The following ROBO2 variants were observed in gnomAD, a reference collection of about 807,000 sequenced individuals.
ROBO2 encodes the protein roundabout guidance receptor 2, also known as roundabout homolog 2.
Under a neutral mutation model 160.8 loss-of-function variants are expected in ROBO2, and 53 were observed. That is an observed-to-expected ratio of 0.33 (90% CI 0.26 to 0.41). The LOEUF (loss-of-function observed/expected upper bound fraction) is 0.41, where lower values mean the gene tolerates loss of function less well. Ranked by LOEUF, ROBO2 falls within the 10% of genes least tolerant of loss-of-function variation. ROBO2 has a pLI of 1.00. For missense variants in ROBO2, 1,577 were observed against 1,722.4 expected (o/e 0.92, Z 1.49); for synonymous variants, 664 against 611.7 (o/e 1.09, Z -1.26).
chr3:76,873,591 TGTCGTCGTCGTA>T (rs1451354737), intron 2 of ROBO2, among the ~76,000 whole-genome samples: 135 of 152,060 alleles, frequency 8.9e-4, no homozygotes, highest in Non-Finnish European at 9.4e-4. Flanking sequence ...TCGTCGTCGT[TGTCGTCGTCGTA>T]GTAGTAGTAT....
At chr3:77,564,705 G>A (rs982415065) in intron 11 of ROBO2, 22 of 572,700 alleles carry the variant, frequency 3.8e-5, no homozygotes, top group South Asian at 1.9e-4. Flanking sequence ...CATTAGCAAA[G>A]GGCTGTCACA....
intron 2 of ROBO2, among the ~76,000 whole-genome samples, chr3:77,469,616 A>G (rs1431356945): frequency 6.6e-6 from 1 of 152,180 alleles, no homozygotes; most frequent in Non-Finnish European, 1.5e-5. Flanking sequence ...TTTGGCTGAC[A>G]TAAATCTGTT....
intron 2 of ROBO2, among the ~76,000 whole-genome samples, chr3:76,418,012 A>G (rs2075823081): frequency 6.6e-6 from 1 of 151,968 alleles, no homozygotes; most frequent in Admixed American, 6.6e-5. Flanking sequence ...CAGTCTCCTG[A>G]GGAGATAAAG....
chr3:77,320,854 A>C (rs2153431112), intron 2 of ROBO2, among the ~76,000 whole-genome samples: 1 of 152,288 alleles, frequency 6.6e-6, no homozygotes, highest in African/African-American at 2.4e-5. Flanking sequence ...TACATATCAC[A>C]CATTTTAATG....
At chr3:76,271,224 T>G (rs1482597205) in intron 2 of ROBO2, among the ~76,000 whole-genome samples, 1 of 151,980 alleles carries the variant, frequency 6.6e-6, no homozygotes, top group East Asian at 1.9e-4. Context: ...ACTGATTAGG[T>G]GACTGCAAAA....
At chr3:76,346,055 C>G (rs1489381911) in intron 2 of ROBO2, among the ~76,000 whole-genome samples, 1 of 152,046 alleles carries the variant, frequency 6.6e-6, no homozygotes, top group East Asian at 1.9e-4. Flanking sequence ...GGCCAGTTAG[C>G]TCCGGCTTTG....
At chr3:75,982,100 A>C (rs1019279984) in intron 2 of ROBO2, among the ~76,000 whole-genome samples, 3 of 151,532 alleles carry the variant, frequency 2.0e-5, no homozygotes, top group African/African-American at 7.3e-5. Flanking sequence ...AAATGACTGA[A>C]TCTCATTCTT....
intron 2 of ROBO2, among the ~76,000 whole-genome samples, chr3:76,317,464 AAG>A (rs1158475941): frequency 6.8e-6 from 1 of 146,450 alleles, no homozygotes; most frequent in Non-Finnish European, 1.5e-5. Context: ...AGTAGAAAAA[AAG>A]AAAGCAACAC....
intron 2 of ROBO2, among the ~76,000 whole-genome samples, chr3:76,283,413 T>C (rs1708348098): frequency 6.6e-6 from 1 of 151,780 alleles, no homozygotes; most frequent in Non-Finnish European, 1.5e-5. Flanking sequence ...ATAAATATTC[T>C]TGCTTTCTCT....
At chr3:77,635,034 A>G (rs1476578233) in exon 24 of ROBO2, 4 of 1,614,002 alleles carry the variant, frequency 2.5e-6, no homozygotes, top group Non-Finnish European at 3.4e-6. Flanking sequence ...AAGGGAAGGA[A>G]TGACAGATGG....
At chr3:77,085,257 T>C (rs1200285261) in intron 1 of ROBO2, among the ~76,000 whole-genome samples, 1 of 152,128 alleles carries the variant, frequency 6.6e-6, no homozygotes, top group East Asian at 1.9e-4. Flanking sequence ...CGTAAATTTA[T>C]ACTTATTTAT....
intron 2 of ROBO2, among the ~76,000 whole-genome samples, chr3:76,560,648 C>CA (rs2084114404): frequency 6.7e-6 from 1 of 149,798 alleles, no homozygotes; most frequent in South Asian, 2.1e-4. Flanking sequence ...AAAGAAAACT[C>CA]ACATTACTGA....
At chr3:76,319,132 T>A (rs1352633027) in intron 2 of ROBO2, among the ~76,000 whole-genome samples, 1 of 152,146 alleles carries the variant, frequency 6.6e-6, no homozygotes, top group Non-Finnish European at 1.5e-5. Flanking sequence ...AAGTTATCTT[T>A]CAGCCATTCA....
chr3:77,094,946 G>T (rs1019094739), intron 1 of ROBO2, among the ~76,000 whole-genome samples: 1 of 151,824 alleles, frequency 6.6e-6, no homozygotes, highest in Non-Finnish European at 1.5e-5. Context: ...ATCCATTATT[G>T]GGTATATGAT....
At chr3:76,262,406 C>G (rs1706827528) in intron 2 of ROBO2, among the ~76,000 whole-genome samples, 1 of 151,796 alleles carries the variant, frequency 6.6e-6, no homozygotes, top group African/African-American at 2.4e-5. Flanking sequence ...TCTGCTTTTT[C>G]AAAGGACAGA....
At chr3:77,343,370 A>G (rs994261157) in intron 2 of ROBO2, among the ~76,000 whole-genome samples, 1 of 152,170 alleles carries the variant, frequency 6.6e-6, no homozygotes, top group Non-Finnish European at 1.5e-5. Context: ...CTCATATTAA[A>G]TCTAGTAAAT....
At chr3:76,219,764 T>A (rs187880639) in intron 2 of ROBO2, among the ~76,000 whole-genome samples, 162 of 152,338 alleles carry the variant, frequency 1.1e-3, no homozygotes, top group African/African-American at 3.6e-3. Context: ...TGGAAGTCAG[T>A]GTGGCAATTC....
At chr3:76,004,865 G>T (rs1011736673) in intron 2 of ROBO2, among the ~76,000 whole-genome samples, 3 of 152,164 alleles carry the variant, frequency 2.0e-5, no homozygotes, top group Non-Finnish European at 2.9e-5. Flanking sequence ...ACTTAAGAAA[G>T]AAAATGCTGT....
At chr3:76,436,963 C>T (rs2076709582) in intron 2 of ROBO2, among the ~76,000 whole-genome samples, 1 of 152,142 alleles carries the variant, frequency 6.6e-6, no homozygotes, top group Non-Finnish European at 1.5e-5. Context: ...TATCCTCAAG[C>T]TGCAAATAAA....
Sources: allele counts gnomAD v4.1 joint callset (sites outside exome capture counted in the v4.1 genomes callset), GRCh38; gene constraint gnomAD v4.1.1; transcripts MANE v1.5; gene names NCBI Gene and HGNC (gene_info 2026-07-23, HGNC 2026-07-21).